Variants in MTA3 observed in about 807,000 individuals in gnomAD.
MTA3 encodes the protein metastasis associated 1 family member 3.
A neutral mutation model predicts 83.5 loss-of-function variants in MTA3; 34 were observed. The ratio of observed to expected loss-of-function variants is 0.41; its 90% CI spans 0.31 to 0.54. The LOEUF is 0.54. Ranked by LOEUF, MTA3 falls within the 20% of genes least tolerant of loss-of-function variation. MTA3 has a pLI of 0.33. For missense variants in MTA3, 761 were observed against 726.4 expected, an observed-to-expected ratio of 1.05 and a Z score of -0.55; for synonymous variants, 303 against 252.7, an observed-to-expected ratio of 1.20 and a Z score of -1.89.
intron 3 of MTA3, among the ~76,000 whole-genome samples, chr2:42,607,110 AG>A (rs1683557648): frequency 6.7e-6 from 1 of 149,874 alleles, no homozygotes; most frequent in African/African-American, 2.5e-5. Flanking sequence ...AGGTAGAGGT[AG>A]AGGTAGGTAG....
intron 8 of MTA3, among the ~76,000 whole-genome samples, chr2:42,666,291 A>G (rs1435263344): frequency 6.6e-6 from 1 of 152,154 alleles, no homozygotes. Context: ...AAACAAAACA[A>G]AACAAAGCGT....
At chr2:42,646,475 CTG>C (rs1488903789) in intron 6 of MTA3, among the ~76,000 whole-genome samples, 1 of 152,210 alleles carries the variant, frequency 6.6e-6, no homozygotes, top group Non-Finnish European at 1.5e-5. Context: ...GTAACAACAA[CTG>C]TAATTGATAG....
At chr2:42,517,212 A>G (rs994490825) in intron 2 of MTA3, among the ~76,000 whole-genome samples, 2 of 152,030 alleles carry the variant, frequency 1.3e-5, no homozygotes, top group East Asian at 3.9e-4. Flanking sequence ...GTGAGCCGAC[A>G]TCATGCCACT....
chr2:42,622,376 G>C (rs191685126), intron 4 of MTA3, among the ~76,000 whole-genome samples: 2 of 149,610 alleles, frequency 1.3e-5, no homozygotes, highest in Admixed American at 6.7e-5. Context: ...GCTTCGGCTC[G>C]GCATGAGAGG....
At chr2:42,542,480 T>A (rs1362561305) in intron 2 of MTA3, among the ~76,000 whole-genome samples, 7 of 152,312 alleles carry the variant, frequency 4.6e-5, no homozygotes, top group African/African-American at 1.7e-4. Flanking sequence ...ATATTAACCG[T>A]CACACGTACA....
Position 42,755,957 on chromosome 2 carries a change from G to C in MTA3, c.*2558G>C. ...GCCGACTGGAGGGTGTCGCCGGAAG[G>C]TTTCAGCCTGCCCTTCACAATTCCC... is the stretch of plus-strand genomic sequence containing the variant. On this transcript the variant is annotated 3_prime_UTR_variant, in exon 17 of 17. Transcript: ENST00000405094. 3.0e-6 allele frequency: 3 copies of C among 985,500 alleles called. No individual in the cohort carries two copies. The highest frequency in any genetic ancestry group is 2.4e-6 in the Non-Finnish European group (2 of 829,990). The allele number at this position is 985,500 out of a possible 1,614,324, so 61.0% of individuals were successfully genotyped here.
At chr2:42,524,472 G>GTGT (rs1553337451) in intron 2 of MTA3, among the ~76,000 whole-genome samples, 194 of 70,682 alleles carry the variant, frequency 2.7e-3, no homozygotes, top group African/African-American at 0.01. Context: ...GGCTAGTTGT[G>GTGT]TTTTTTTTTT....
At chr2:42,564,919 G>A (rs1408594952), upstream of MTA3, among the ~76,000 whole-genome samples, 2 of 152,162 alleles carry the variant, frequency 1.3e-5, no homozygotes, top group Non-Finnish European at 2.9e-5. Context: ...TGGGACTACA[G>A]GCGCTTGCCA....
intron 3 of MTA3, among the ~76,000 whole-genome samples, chr2:42,591,394 ATACTGTACACCACTGTAGACT>A (rs1332614577): frequency 6.6e-6 from 1 of 152,216 alleles, no homozygotes; most frequent in East Asian, 1.9e-4. Context: ...GGCCTAGTAC[ATACTGTACACCACTGTAGACT>A]TACTAAACAC....
At position 42,584,838 on chromosome 2, in the gene MTA3, G is replaced by A. The variant is rs1680075734; in HGVS notation, c.190+5638G>A. On this transcript the variant is annotated intron_variant, in intron 3 of 16. Transcript: ENST00000405094. ...GCTGTGTTCGTGCCACACCCTGGGTGTGTTTGCACTCCACCCTGGGTGACA... is the reference window on the plus strand; with the variant it reads ...GCTGTGTTCGTGCCACACCCTGGGTATGTTTGCACTCCACCCTGGGTGACA... Among the ~76,000 whole-genome samples, 3 of 152,008 alleles carry A rather than the reference G, an allele frequency of 2.0e-5. No individual in the cohort carries two copies. The South Asian group carries it at 6.2e-4, about 32-fold the overall frequency.
At chr2:42,669,569 A>G (rs1430410580) in intron 8 of MTA3, among the ~76,000 whole-genome samples, 1 of 152,212 alleles carries the variant, frequency 6.6e-6, no homozygotes, top group African/African-American at 2.4e-5. Flanking sequence ...CTAGCACTGC[A>G]GTAAAAAATA....
At chr2:42,560,336 G>T (rs1225816446) in intron 2 of MTA3, among the ~76,000 whole-genome samples, 1 of 151,150 alleles carries the variant, frequency 6.6e-6, no homozygotes, top group African/African-American at 2.4e-5. Flanking sequence ...TGCGTCACTG[G>T]CAAGTGAGCT....
rs952557712 is a variant in MTA3, at chr2:42,697,811, G to T, written c.1002G>T (p.Leu334=). The change falls in exon 11 of 17, where the codon CTG becomes CTT. Residue 334 remains leucine, a synonymous_variant. Transcript: ENST00000405094. The stretch of plus-strand genomic sequence containing the variant: ...AAGCAGCAGAAGCTGAGAGTAAACT[G>T]AAACAAGTATATATCCCAACCTAGT... ...RLKAAEAESK[L]KQVYIPTYSK... 1.3e-6 allele frequency: 2 copies of T among 1,544,472 alleles called. No homozygotes were observed. The highest frequency in any genetic ancestry group is 2.7e-5 in the African/African-American group (2 of 73,000).
chr2:42,695,254 C>T (rs1196225274), intron 9 of MTA3, among the ~76,000 whole-genome samples: 1 of 151,944 alleles, frequency 6.6e-6, no homozygotes, highest in Non-Finnish European at 1.5e-5. Flanking sequence ...TTTGGGGTAC[C>T]GTTTGCTAAG....
chr2:42,649,649 A>G (rs890651163), intron 6 of MTA3, among the ~76,000 whole-genome samples: 1 of 152,152 alleles, frequency 6.6e-6, no homozygotes, highest in Non-Finnish European at 1.5e-5. Context: ...GCAAGTGGAA[A>G]TTTTTACAAA....
intron 8 of MTA3, among the ~76,000 whole-genome samples, chr2:42,678,349 A>G (rs1040185613): frequency 6.6e-6 from 1 of 151,612 alleles, no homozygotes; most frequent in Non-Finnish European, 1.5e-5. Context: ...TTATTTATTT[A>G]TTTTTTTTGA....
chr2:42,701,097 C>G (rs1693818797), intron 11 of MTA3, among the ~76,000 whole-genome samples: 1 of 151,800 alleles, frequency 6.6e-6, no homozygotes, highest in Non-Finnish European at 1.5e-5. Context: ...GACCCTGTCT[C>G]TAAAAAAATT....
chr2:42,520,051 TAAATA>T (rs1386784634), intron 2 of MTA3, among the ~76,000 whole-genome samples: 1 of 152,016 alleles, frequency 6.6e-6, no homozygotes, highest in African/African-American at 2.4e-5. Flanking sequence ...TCAAAAAAAA[TAAATA>T]AAGTGATTGA....
At chr2:42,530,058 G>A (rs985609221) in intron 2 of MTA3, among the ~76,000 whole-genome samples, 3 of 151,898 alleles carry the variant, frequency 2.0e-5, no homozygotes, top group African/African-American at 4.8e-5. Context: ...GGTGGTGGGC[G>A]CCTGTAATCC....
Sources: allele counts gnomAD v4.1 joint callset (sites outside exome capture counted in the v4.1 genomes callset), GRCh38; gene constraint gnomAD v4.1.1; transcripts MANE v1.5; gene names NCBI Gene and HGNC (gene_info 2026-07-23, HGNC 2026-07-21).